RNF214: variants seen among roughly 807,000 people sequenced by gnomAD.
The protein encoded by RNF214 is ring finger protein 214.
In RNF214, 25 loss-of-function variants were observed where a neutral mutation model predicts 75.9. The observed-to-expected ratio is 0.33, with a 90% confidence interval of 0.24 to 0.46. RNF214 has a LOEUF of 0.46. Among genes scored for constraint, RNF214 ranks in the 20% least tolerant of loss-of-function variants. The pLI is 1.00. For synonymous variants in RNF214, 314 were observed against 308.8 expected (o/e 1.02, Z -0.18); for missense variants, 725 against 857.5 (o/e 0.85, Z 1.93).
chr11:117,242,522 C>CG (rs1385964996), intron 4 of RNF214, among the ~76,000 whole-genome samples: 3 of 152,154 alleles, frequency 2.0e-5, no homozygotes, highest in African/African-American at 7.2e-5. Flanking sequence ...TTGTTTGGCT[C>CG]TATCTTTTGG....
intron 6 of RNF214, among the ~76,000 whole-genome samples, chr11:117,268,997 G>A (rs967095881): frequency 1.1e-4 from 16 of 152,186 alleles, no homozygotes; most frequent in African/African-American, 3.9e-4. Context: ...GTAAGCACAG[G>A]GGAATTGCAG....
intron 6 of RNF214, among the ~76,000 whole-genome samples, chr11:117,269,283 CA>C (rs1388966342): frequency 1.3e-5 from 2 of 152,142 alleles, no homozygotes; most frequent in Admixed American, 6.6e-5. Flanking sequence ...ACCTAAACAA[CA>C]ATGGCCTGGG....
chr11:117,241,311 G>A (rs2033073328), intron 4 of RNF214, among the ~76,000 whole-genome samples: 1 of 152,148 alleles, frequency 6.6e-6, no homozygotes, highest in South Asian at 2.1e-4. Flanking sequence ...GCCGGGCACA[G>A]TGGCTCATGC....
intron 8 of RNF214, among the ~76,000 whole-genome samples, chr11:117,280,937 C>T (rs1485636516): frequency 6.7e-6 from 1 of 150,066 alleles, no homozygotes; most frequent in East Asian, 2.0e-4. Flanking sequence ...GGCAATTAGC[C>T]AGCTACTATT....
chr11:117,244,633 G>T, intron 5 of RNF214, 48 bp downstream of exon 5: 1 of 1,429,712 alleles, frequency 7.0e-7, no homozygotes, highest in Non-Finnish European at 9.4e-7. Flanking sequence ...AACAGTCTCT[G>T]ATCAAACTTT....
chr11:117,242,545 T>G (rs968384252), intron 4 of RNF214, among the ~76,000 whole-genome samples: 3 of 152,190 alleles, frequency 2.0e-5, no homozygotes, highest in Admixed American at 2.0e-4. Context: ...GGTAGTGAGG[T>G]CCACATGCTT....
At chr11:117,246,701 AC>A (rs1278918599) in intron 5 of RNF214, 107 bp from the exon 6 acceptor site, 15 of 1,165,042 alleles carry the variant, frequency 1.3e-5, no homozygotes, top group Non-Finnish European at 1.7e-5. Context: ...ATTTGAATTC[AC>A]TAAAGTCAAT....
intron 1 of RNF214, 31 bp from the exon 2 acceptor site, chr11:117,234,236 T>A (rs144159240): frequency 9.9e-6 from 15 of 1,516,876 alleles, no homozygotes; most frequent in Non-Finnish European, 1.4e-5. Context: ...TTTGGAAACT[T>A]GTAGCCTGTA....
intron 6 of RNF214, among the ~76,000 whole-genome samples, chr11:117,263,220 C>T (rs1381838067): frequency 2.0e-5 from 3 of 151,860 alleles, no homozygotes; most frequent in Non-Finnish European, 4.4e-5. Context: ...AAAATGGTTT[C>T]CCTAAGTTCT....
chr11:117,246,771 T>C (rs1393335816), intron 5 of RNF214, 38 bp from the exon 6 acceptor site: 5 of 1,478,622 alleles, frequency 3.4e-6, no homozygotes, highest in Middle Eastern at 1.8e-4. Context: ...CTTATTTTCT[T>C]TTTTATTTGT....
chr11:117,255,925 A>C (rs1438699371), intron 6 of RNF214, among the ~76,000 whole-genome samples: 1 of 152,178 alleles, frequency 6.6e-6, no homozygotes, highest in Admixed American at 6.6e-5. Context: ...AGTTCTGTAT[A>C]GTATTTAGGG....
At chr11:117,238,546 A>G in intron 2 of RNF214, 55 bp from the exon 3 acceptor site, 2 of 1,460,410 alleles carry the variant, frequency 1.4e-6, no homozygotes, top group African/African-American at 1.4e-5. Flanking sequence ...TTGTTCTTCT[A>G]GTAGTTAGGT....
At chr11:117,266,859 CTT>C (rs36064361) in intron 6 of RNF214, among the ~76,000 whole-genome samples, 1 of 128,822 alleles carries the variant, frequency 7.8e-6, no homozygotes, top group Non-Finnish European at 1.6e-5. Context: ...TCTTCTTTTT[CTT>C]TTTTTTTTTT....
chr11:117,248,316 TC>T (rs953738919), intron 6 of RNF214, among the ~76,000 whole-genome samples: 1 of 152,194 alleles, frequency 6.6e-6, no homozygotes, highest in African/African-American at 2.4e-5. Context: ...GACCTCATGA[TC>T]CGCCTGCCTC....
chr11:117,253,858 C>G (rs968831255), intron 6 of RNF214, among the ~76,000 whole-genome samples: 1 of 152,042 alleles, frequency 6.6e-6, no homozygotes, highest in Non-Finnish European at 1.5e-5. Flanking sequence ...TATTTTTCTT[C>G]TTTAAAAAAA....
chr11:117,263,984 G>A (rs1400187635), intron 6 of RNF214: 90 of 171,980 alleles, frequency 5.2e-4, no homozygotes, highest in Non-Finnish European at 8.6e-5. Flanking sequence ...GTGATAAGTG[G>A]TATTGGAGCA....
chr11:117,250,332 T>C (rs2033337338), intron 6 of RNF214, among the ~76,000 whole-genome samples: 1 of 152,204 alleles, frequency 6.6e-6, no homozygotes, highest in Admixed American at 6.5e-5. Flanking sequence ...AAAATTTCAA[T>C]AGTGACTACG....
chr11:117,237,556 A>G (rs1484520804), intron 2 of RNF214, among the ~76,000 whole-genome samples: 2 of 152,198 alleles, frequency 1.3e-5, no homozygotes, highest in African/African-American at 4.8e-5. Context: ...TGGGTGAAAG[A>G]TGTGCAATTG....
intron 6 of RNF214, chr11:117,263,801 G>A: frequency 4.5e-6 from 1 of 223,972 alleles, no homozygotes; most frequent in Non-Finnish European, 8.8e-6. Context: ...CTCTGTAATT[G>A]TCCTGGCCTA....
Sources: gnomAD v4.1 joint callset for allele counts (sites outside exome capture counted in the v4.1 genomes callset) on GRCh38, gnomAD v4.1.1 for gene constraint, MANE v1.5 for transcripts, NCBI Gene and HGNC (gene_info 2026-07-23, HGNC 2026-07-21) for gene names.